Variants in NBEA observed in about 807,000 individuals in gnomAD.
NBEA encodes lysosomal-trafficking regulator 2.
Under a neutral mutation model 343.4 loss-of-function variants are expected in NBEA, and 44 were observed. The ratio of observed to expected loss-of-function variants is 0.13; its 90% CI spans 0.10 to 0.16. The LOEUF (loss-of-function observed/expected upper bound fraction) is 0.16. Among genes scored for constraint, NBEA ranks in the 10% least tolerant of loss-of-function variants. NBEA has a pLI of 1.00. For synonymous variants in NBEA, 1,175 were observed against 1,238.7 expected (o/e 0.95, Z 1.08); for missense variants, 2,555 against 3,631.3 (o/e 0.70, Z 7.62).
chr13:34,984,525 G>A (rs977026477), intron 1 of NBEA, among the ~76,000 whole-genome samples: 5 of 138,680 alleles, frequency 3.6e-5, no homozygotes, highest in African/African-American at 7.4e-5. Context: ...TTGGCAATGC[G>A]GGCTCTTTTT....
chr13:34,964,783 G>A (rs968350234), intron 1 of NBEA, among the ~76,000 whole-genome samples: 6 of 151,942 alleles, frequency 3.9e-5, no homozygotes, highest in African/African-American at 7.2e-5. Context: ...CTATGTCTCT[G>A]GGTCCATTAG....
At chr13:35,070,208 C>A in intron 9 of NBEA, 103 bp downstream of exon 9, 1 of 1,225,856 alleles carries the variant, frequency 8.2e-7, no homozygotes, top group Non-Finnish European at 1.1e-6. Context: ...GATTTTTTTG[C>A]TTCTTTTTTG....
chr13:35,011,006 C>T (rs1260057201), intron 1 of NBEA, among the ~76,000 whole-genome samples: 4 of 151,134 alleles, frequency 2.6e-5, no homozygotes, highest in South Asian at 2.1e-4. Context: ...CATGCTGAAG[C>T]GAATGATCTA....
At chr13:35,087,439 G>T (rs1329001423) in intron 10 of NBEA, among the ~76,000 whole-genome samples, 1 of 151,862 alleles carries the variant, frequency 6.6e-6, no homozygotes, top group East Asian at 1.9e-4. Context: ...AAGTGGAAGG[G>T]ATTACAGCTT....
intron 21 of NBEA, among the ~76,000 whole-genome samples, chr13:35,158,389 C>T (rs901699867): frequency 1.3e-5 from 2 of 151,952 alleles, no homozygotes; most frequent in Non-Finnish European, 2.9e-5. Flanking sequence ...TCAGATTTAT[C>T]ATTGCTTTAA....
At chr13:35,064,424 A>G (rs1391004492) in intron 8 of NBEA, among the ~76,000 whole-genome samples, 2 of 152,104 alleles carry the variant, frequency 1.3e-5, no homozygotes, top group Non-Finnish European at 2.9e-5. Context: ...ACAGGATAAT[A>G]GATTAGAAAA....
intron 20 of NBEA, 72 bp downstream of exon 20, chr13:35,156,278 C>G (rs929007796): frequency 4.4e-6 from 6 of 1,373,802 alleles, no homozygotes; most frequent in Non-Finnish European, 4.8e-6. Flanking sequence ...ATTTTCAATT[C>G]ATTTCAAATC....
At chr13:35,208,161 A>C (rs1353695494) in intron 31 of NBEA, among the ~76,000 whole-genome samples, 1 of 152,194 alleles carries the variant, frequency 6.6e-6, no homozygotes, top group Non-Finnish European at 1.5e-5. Context: ...CAGAGATTGT[A>C]GTGAGCCGAG....
At chr13:35,044,303 G>C (rs1475686214) in intron 2 of NBEA, among the ~76,000 whole-genome samples, 1 of 152,082 alleles carries the variant, frequency 6.6e-6, no homozygotes, top group Non-Finnish European at 1.5e-5. Context: ...TAAATTATCT[G>C]TGCCACAATT....
At chr13:35,200,778 A>G (rs944969301) in intron 31 of NBEA, among the ~76,000 whole-genome samples, 1 of 151,980 alleles carries the variant, frequency 6.6e-6, no homozygotes, top group Admixed American at 6.6e-5. Flanking sequence ...AGCAACTTAG[A>G]TAGACTTCAT....
Position 35,671,205 on chromosome 13 carries a change from T to C in NBEA, c.*214T>C. On this transcript the variant is annotated 3_prime_UTR_variant, in exon 59 of 59. Transcript: ENST00000379939. Reference sequence around the variant, plus strand: ...GCTGCTATCAAGCAAGCTTATATCATGTAAATTATATGAATTAGGAGATGT... The same window carrying C: ...GCTGCTATCAAGCAAGCTTATATCACGTAAATTATATGAATTAGGAGATGT... 2 of 468,316 alleles carry C rather than the reference T, an allele frequency of 4.3e-6. No individual in the cohort carries two copies. The highest frequency in any genetic ancestry group is 7.7e-6 in the Non-Finnish European group (2 of 259,814). 29.0% of individuals were successfully genotyped at this position (468,316 alleles called of 1,614,324 possible). A position where few individuals can be genotyped will look rare whatever the true frequency, so the allele number is the denominator to read the frequency against.
At chr13:35,188,634 G>T (rs569636546) in intron 30 of NBEA, among the ~76,000 whole-genome samples, 3 of 151,610 alleles carry the variant, frequency 2.0e-5, no homozygotes, top group Admixed American at 1.3e-4. Flanking sequence ...TCATCTCTTC[G>T]TCAATAGACA....
At chr13:35,321,407 G>A (rs1007488523) in intron 36 of NBEA, among the ~76,000 whole-genome samples, 4 of 152,226 alleles carry the variant, frequency 2.6e-5, no homozygotes, top group Admixed American at 2.0e-4. Flanking sequence ...TGTTTGCCTG[G>A]GTATCACCAG....
intron 10 of NBEA, among the ~76,000 whole-genome samples, chr13:35,084,564 C>CAG (rs2064624960): frequency 6.6e-6 from 1 of 152,132 alleles, no homozygotes; most frequent in Non-Finnish European, 1.5e-5. Context: ...AGCAGAATCT[C>CAG]TGGGACACAT....
chr13:35,162,022 C>T, intron 23 of NBEA, 55 bp downstream of exon 23: 1 of 1,424,616 alleles, frequency 7.0e-7, no homozygotes, highest in Admixed American at 2.3e-5. Context: ...TATGCCATTG[C>T]CTATTCTATT....
chr13:35,114,898 A>G (rs917582606), intron 13 of NBEA, among the ~76,000 whole-genome samples: 27 of 152,188 alleles, frequency 1.8e-4, no homozygotes, highest in African/African-American at 6.5e-4. Flanking sequence ...CATTTTAAAC[A>G]AATGCTTTCT....
intron 24 of NBEA, among the ~76,000 whole-genome samples, chr13:35,165,404 A>G (rs1418041211): frequency 6.6e-6 from 1 of 152,192 alleles, no homozygotes; most frequent in African/African-American, 2.4e-5. Flanking sequence ...AGAAGTCCAC[A>G]AAGGGAAGCA....
At chr13:35,505,598 T>C (rs1297969979) in intron 41 of NBEA, among the ~76,000 whole-genome samples, 1 of 152,230 alleles carries the variant, frequency 6.6e-6, no homozygotes, top group Non-Finnish European at 1.5e-5. Flanking sequence ...AGCTATATTT[T>C]AAATTTGTGA....
chr13:35,324,851 T>C (rs990656908), intron 36 of NBEA, among the ~76,000 whole-genome samples: 2 of 152,098 alleles, frequency 1.3e-5, no homozygotes, highest in African/African-American at 2.4e-5. Context: ...CTAAGCAATA[T>C]AAGCACAATG....
Sources: allele counts gnomAD v4.1 joint callset (sites outside exome capture counted in the v4.1 genomes callset), GRCh38; gene constraint gnomAD v4.1.1; transcripts MANE v1.5; gene names NCBI Gene and HGNC (gene_info 2026-07-23, HGNC 2026-07-21).